The following TESC variants were observed in gnomAD, a reference collection of about 807,000 sequenced individuals.
TESC encodes the protein calcineurin B homologous protein 3.
TESC carries 19 observed loss-of-function variants against 31.0 expected under a neutral mutation model. That is an observed-to-expected ratio of 0.61 (90% CI 0.43 to 0.90). The LOEUF (loss-of-function observed/expected upper bound fraction) is 0.90. TESC is among the 40% of genes least tolerant of loss of function. TESC has a pLI of 0.00. For missense variants in TESC, 248 were observed against 303.8 expected, an observed-to-expected ratio of 0.82 and a Z score of 1.36; for synonymous variants, 109 against 114.8, an observed-to-expected ratio of 0.95 and a Z score of 0.32.
chr12:117,043,377 C>T (rs147622412), intron 6 of TESC, among the ~76,000 whole-genome samples: 166 of 152,168 alleles, frequency 1.1e-3, no homozygotes, highest in African/African-American at 3.8e-3. Flanking sequence ...TTTAAGAACA[C>T]AGGAGGCACA....
chr12:117,055,968 TGGA>T (rs1485109391), intron 3 of TESC, among the ~76,000 whole-genome samples: 2 of 151,102 alleles, frequency 1.3e-5, no homozygotes, highest in Non-Finnish European at 2.9e-5. Context: ...TCGCCCAGGC[TGGA>T]GTGCGGTGGC....
chr12:117,059,557 G>T (rs1281199696), intron 2 of TESC, among the ~76,000 whole-genome samples: 2 of 152,160 alleles, frequency 1.3e-5, no homozygotes, highest in Non-Finnish European at 2.9e-5. Context: ...AAAGGAACAA[G>T]GTTTTTTGTT....
chr12:117,067,006 C>G (rs569710455), intron 2 of TESC, among the ~76,000 whole-genome samples: 2 of 152,158 alleles, frequency 1.3e-5, no homozygotes, highest in Non-Finnish European at 2.9e-5. Flanking sequence ...CAAACTACCC[C>G]CTTGGTGGCT....
Position 117,050,287 on chromosome 12 carries a change from T to C in TESC, c.210-1129A>G, listed in dbSNP as rs185417795. Among the ~76,000 whole-genome samples the C allele has an allele frequency of 1.7e-3, 258 of 152,370 alleles. 1 individual carries two copies. The highest frequency in any genetic ancestry group is 3.0e-3 in the Non-Finnish European group (205 of 68,032). On this transcript the variant is annotated intron_variant, in intron 3 of 7. Coordinates refer to ENST00000335209, the MANE Select transcript of TESC (RefSeq NM_017899.4). ...AGAGCTGAGTAGCTGCAACAGAGACTGCGTGGCCCGCAAAGCCTAAAATAT... is the reference window on the plus strand; with the variant it reads ...AGAGCTGAGTAGCTGCAACAGAGACCGCGTGGCCCGCAAAGCCTAAAATAT...
rs1264970527 is a variant in TESC at position 117,041,933 on chromosome 12, C to A, written c.567+14G>T. 1 of 1,581,406 alleles carries A rather than the reference C, an allele frequency of 6.3e-7. No homozygotes were observed. The highest frequency in any genetic ancestry group is 1.2e-5 in the South Asian group (1 of 86,160). On this transcript the variant is annotated intron_variant, in intron 7 of 7. Coordinates refer to ENST00000335209, the MANE Select transcript of TESC (RefSeq NM_017899.4). ...TCAAGGGTCCCCCGAGGCTCCCACG[C>A]CCAGGCCACCCACCTTCAGGAAGTC... is the stretch of plus-strand genomic sequence containing the variant.
chr12:117,094,744 G>A (rs184501465), intron 1 of TESC, among the ~76,000 whole-genome samples: 65 of 152,166 alleles, frequency 4.3e-4, no homozygotes, highest in Non-Finnish European at 7.8e-4. Context: ...CGCTGTGCGC[G>A]GTGGCTCACA....
At chr12:117,045,890 G>C (rs1361531715) in intron 6 of TESC, among the ~76,000 whole-genome samples, 1 of 152,234 alleles carries the variant, frequency 6.6e-6, no homozygotes, top group African/African-American at 2.4e-5. Flanking sequence ...CTTAGGGCTG[G>C]GGGCTGGTGG....
At chr12:117,093,434 T>G (rs1955342548) in intron 1 of TESC, among the ~76,000 whole-genome samples, 1 of 152,254 alleles carries the variant, frequency 6.6e-6, no homozygotes, top group Non-Finnish European at 1.5e-5. Flanking sequence ...TTTTTTTCTT[T>G]GGAGACAGTC....
intron 1 of TESC, among the ~76,000 whole-genome samples, chr12:117,094,541 C>T (rs1489627602): frequency 6.6e-6 from 1 of 152,096 alleles, no homozygotes; most frequent in Non-Finnish European, 1.5e-5. Context: ...CTCCAAGTTT[C>T]GAAGGGGTGG....
intron 1 of TESC, among the ~76,000 whole-genome samples, chr12:117,091,563 G>A (rs74483649): frequency 0.023 from 3,519 of 152,310 alleles, 143 homozygotes; most frequent in African/African-American, 0.078. Flanking sequence ...GAGCGAGGAC[G>A]TCTTGGAGAG....
At chr12:117,074,397 T>A (rs1247866140) in intron 2 of TESC, among the ~76,000 whole-genome samples, 2 of 151,994 alleles carry the variant, frequency 1.3e-5, no homozygotes, top group African/African-American at 4.8e-5. Context: ...AAATAACAAA[T>A]AATTCAACCG....
At chr12:117,086,199 T>C (rs920045855) in intron 1 of TESC, among the ~76,000 whole-genome samples, 1 of 152,160 alleles carries the variant, frequency 6.6e-6, no homozygotes, top group Non-Finnish European at 1.5e-5. Context: ...GAAAATGCTC[T>C]AGAAATAGAT....
At chr12:117,050,778 A>G (rs929331895) in intron 3 of TESC, among the ~76,000 whole-genome samples, 1 of 152,174 alleles carries the variant, frequency 6.6e-6, no homozygotes, top group Non-Finnish European at 1.5e-5. Flanking sequence ...ACAAAAAATT[A>G]GATGGGTGCG....
At chr12:117,074,961 A>G (rs1394476938) in intron 2 of TESC, among the ~76,000 whole-genome samples, 1 of 152,132 alleles carries the variant, frequency 6.6e-6, no homozygotes, top group East Asian at 1.9e-4. Flanking sequence ...CCTGGCTAAC[A>G]CGGTGAAACC....
chr12:117,039,226 C>A lies in TESC; in HGVS notation c.568-16G>T. ...CCTGCCAGATCTGGAAGGGACGGAGCAGCGTTAAGGGCACGTTCCCGCCGC... is the reference window on the plus strand; with the variant it reads ...CCTGCCAGATCTGGAAGGGACGGAGAAGCGTTAAGGGCACGTTCCCGCCGC... On this transcript the variant is annotated splice_polypyrimidine_tract_variant and intron_variant, in intron 7 of 7. Transcript: ENST00000335209. 6.2e-7 allele frequency: 1 copy of A among 1,611,298 alleles called. No homozygotes were observed. Among genetic ancestry groups the A allele is most frequent in the South Asian group, 1.1e-5 (1 of 90,530 alleles).
chr12:117,052,303 G>C (rs1257812342), intron 3 of TESC, among the ~76,000 whole-genome samples: 1 of 152,178 alleles, frequency 6.6e-6, no homozygotes, highest in African/African-American at 2.4e-5. Flanking sequence ...AGAGTCTTAG[G>C]AACAAAGGCT....
intron 1 of TESC, among the ~76,000 whole-genome samples, chr12:117,095,458 C>G (rs1955379174): frequency 6.6e-6 from 1 of 152,162 alleles, no homozygotes; most frequent in Non-Finnish European, 1.5e-5. Flanking sequence ...GTGCTCCAGG[C>G]AGAGGAACAG....
At chr12:117,087,140 C>T (rs1212740356) in intron 1 of TESC, among the ~76,000 whole-genome samples, 2 of 152,174 alleles carry the variant, frequency 1.3e-5, no homozygotes, top group Non-Finnish European at 2.9e-5. Context: ...ATGCCATGTG[C>T]TGAACTCGTA....
chr12:117,069,545 T>C (rs1450427722), intron 2 of TESC, among the ~76,000 whole-genome samples: 4 of 152,014 alleles, frequency 2.6e-5, no homozygotes, highest in South Asian at 2.1e-4. Context: ...GCCAACAATA[T>C]GAATGTCTAA....
Sources: allele counts gnomAD v4.1 joint callset (sites outside exome capture counted in the v4.1 genomes callset), GRCh38; gene constraint gnomAD v4.1.1; transcripts MANE v1.5; gene names NCBI Gene and HGNC (gene_info 2026-07-23, HGNC 2026-07-21).